Variants in SNX14 observed in about 807,000 individuals in gnomAD.
SNX14 encodes the protein sorting nexin 14.
Under a neutral mutation model 133.8 loss-of-function variants are expected in SNX14, and 93 were observed. That is an observed-to-expected ratio of 0.70 (90% CI 0.59 to 0.83). The LOEUF (loss-of-function observed/expected upper bound fraction) is 0.83, where lower values mean the gene tolerates loss of function less well. Among genes scored for constraint, SNX14 ranks in the 40% least tolerant of loss-of-function variants. The pLI is 0.00. For synonymous variants in SNX14, 368 were observed against 365.6 expected, an observed-to-expected ratio of 1.01 and a Z score of -0.07; for missense variants, 945 against 1,094.9, an observed-to-expected ratio of 0.86 and a Z score of 1.93.
intron 7 of SNX14, among the ~76,000 whole-genome samples, chr6:85,553,864 C>T (rs1310637568): frequency 2.0e-5 from 3 of 151,438 alleles, no homozygotes; most frequent in African/African-American, 4.9e-5. Flanking sequence ...AAAGTAATTA[C>T]AATATTTGGT....
chr6:85,514,262 A>G (rs1398700887), intron 24 of SNX14, 28 bp from the exon 25 acceptor site: 1 of 1,578,460 alleles, frequency 6.3e-7, no homozygotes, highest in Non-Finnish European at 8.6e-7. Flanking sequence ...GGGATACCTC[A>G]TTGTTCCAGA....
intron 15 of SNX14, among the ~76,000 whole-genome samples, chr6:85,541,232 ATC>A (rs894710076): frequency 1.3e-5 from 2 of 152,152 alleles, no homozygotes; most frequent in Admixed American, 6.5e-5. Flanking sequence ...ACCTCAAGTG[ATC>A]CCCACGTCTC....
At chr6:85,519,386 C>T (rs1202015978) in intron 21 of SNX14, among the ~76,000 whole-genome samples, 5 of 152,136 alleles carry the variant, frequency 3.3e-5, no homozygotes, top group African/African-American at 7.2e-5. Context: ...GTAAGTCCAA[C>T]AATTTGGGAA....
intron 8 of SNX14, 81 bp downstream of exon 8, chr6:85,549,642 A>G (rs1182601126): frequency 1.0e-5 from 13 of 1,240,200 alleles, no homozygotes; most frequent in Non-Finnish European, 1.4e-5. Context: ...AAATTTTAGC[A>G]TATGCCTATC....
Position 85,538,848 on chromosome 6 carries a change from C to T in SNX14, c.1465G>A (p.Asp489Asn). 6.3e-7 allele frequency: 1 copy of T among 1,598,236 alleles called. No homozygotes were observed. The highest frequency in any genetic ancestry group is 8.5e-7 in the Non-Finnish European group (1 of 1,174,002). Reference sequence around the variant, plus strand: ...ATGCTCAAGACTTACCGAAAATCATCCAAACTTAGGCTACCTCTGCAATAA... The same window carrying T: ...ATGCTCAAGACTTACCGAAAATCATTCAAACTTAGGCTACCTCTGCAATAA... ...SKLNRGSLSL[D>N]DFRNTQKRGE... is the part of the protein sequence containing the mutation. The change falls in exon 16 of 29, where the codon GAT becomes AAT. Residue 489 changes from aspartate to asparagine, a missense_variant. Physicochemically the swap from Asp to Asn is conservative, Grantham distance 23. This residue lies in a region of SNX14 where 412 missense variants were observed against 516.6 expected (regional missense o/e 0.80). Coordinates refer to ENST00000314673, the MANE Select transcript of SNX14 (RefSeq NM_153816.6).
intron 6 of SNX14, among the ~76,000 whole-genome samples, chr6:85,560,061 AC>A (rs1365187018): frequency 6.6e-6 from 1 of 152,206 alleles, no homozygotes; most frequent in African/African-American, 2.4e-5. Context: ...TGGTGGAGCC[AC>A]TTTGGAAAAT....
Position 85,574,354 on chromosome 6 carries a change from G to A in SNX14, c.165C>T (p.Phe55=). 6.4e-7 allele frequency: 1 copy of A among 1,561,788 alleles called. No individual in the cohort carries two copies. Among genetic ancestry groups the A allele is most frequent in the Non-Finnish European group, 8.8e-7 (1 of 1,137,884 alleles). The change falls in exon 2 of 29, where the codon TTC becomes TTT. Residue 55 remains phenylalanine (F), a synonymous_variant. Coordinates refer to ENST00000314673, the MANE Select transcript of SNX14 (RefSeq NM_153816.6). ...TGACAACTCCAGCAACAAATGACCA[G>A]AAGATCATTAAAATATGAATATACC... ...LNRYIHILMI[F]WSFVAGVVTF...
At chr6:85,572,710 A>G (rs1796046160) in intron 2 of SNX14, among the ~76,000 whole-genome samples, 1 of 152,108 alleles carries the variant, frequency 6.6e-6, no homozygotes, top group African/African-American at 2.4e-5. Flanking sequence ...TAATCCTAGC[A>G]CTCTGGGAGA....
chr6:85,519,637 G>T (rs577638631), intron 21 of SNX14, among the ~76,000 whole-genome samples: 1 of 152,064 alleles, frequency 6.6e-6, no homozygotes, highest in African/African-American at 2.4e-5. Context: ...TTGGGAGGCC[G>T]AGGCGGGCGG....
chr6:85,580,156 C>G (rs1367401588), intron 1 of SNX14, among the ~76,000 whole-genome samples: 1 of 152,102 alleles, frequency 6.6e-6, no homozygotes, highest in Non-Finnish European at 1.5e-5. Flanking sequence ...ATCTCAGGGA[C>G]AGGAAGACAG....
In SNX14 at chr6:85,514,574, T is replaced by C. The variant is rs1170074219; in HGVS notation, c.2324A>G (p.Lys775Arg). The C allele has an allele frequency of 6.2e-7, 1 of 1,613,348 alleles. No individual in the cohort carries two copies. The highest frequency in any genetic ancestry group is 1.1e-5 in the South Asian group (1 of 91,064). ...CTCCATAAAATAATTCTGATTTTGC[T>C]TTCTCTCTGTATTTTCAGCACGGTT... is the stretch of plus-strand genomic sequence containing the variant. Reference protein sequence around the residue: ...NANRAENTERKQNQNYFMEVM... With the variant: ...NANRAENTERRQNQNYFMEVM... Residue 775 changes from lysine to arginine, a missense_variant, in exon 24 of 29, where the codon AAG becomes AGG. Lys to Arg is a conservative substitution (Grantham distance 26). Around this residue, in one of 3 missense-constraint regions of SNX14, gnomAD observed 412 missense variants for 516.6 expected, o/e 0.80. Transcript: ENST00000314673.
At chr6:85,584,662 G>C (rs1013714134) in intron 1 of SNX14, among the ~76,000 whole-genome samples, 2 of 152,002 alleles carry the variant, frequency 1.3e-5, no homozygotes, top group Non-Finnish European at 2.9e-5. Flanking sequence ...TCATCATCAC[G>C]GGTCATTAGA....
intron 12 of SNX14, among the ~76,000 whole-genome samples, chr6:85,543,985 T>C (rs1024044249): frequency 1.2e-4 from 18 of 152,076 alleles, no homozygotes; most frequent in African/African-American, 4.3e-4. Context: ...AATACATAAA[T>C]ACCAATACAA....
At chr6:85,527,443 A>T (rs1227614693) in intron 20 of SNX14, among the ~76,000 whole-genome samples, 1 of 151,958 alleles carries the variant, frequency 6.6e-6, no homozygotes, top group Non-Finnish European at 1.5e-5. Context: ...GTTCAGAGAC[A>T]GGAAATAAAG....
At chr6:85,534,045 C>G (rs1298304487) in intron 17 of SNX14, among the ~76,000 whole-genome samples, 1 of 152,260 alleles carries the variant, frequency 6.6e-6, no homozygotes, top group Admixed American at 6.5e-5. Context: ...CCGGGGACAG[C>G]GCCTATAATC....
chr6:85,544,131 G>A (rs1002904633), intron 12 of SNX14, among the ~76,000 whole-genome samples: 1 of 151,918 alleles, frequency 6.6e-6, no homozygotes, highest in Non-Finnish European at 1.5e-5. Flanking sequence ...ACTTTTTTTA[G>A]TCCCAATCAA....
chr6:85,515,787 C>T (rs964305037), intron 23 of SNX14, among the ~76,000 whole-genome samples: 1 of 151,574 alleles, frequency 6.6e-6, no homozygotes, highest in South Asian at 2.1e-4. Context: ...CACTAAAAAA[C>T]AGTGATATTA....
At chr6:85,526,747 T>C (rs1047257717) in intron 20 of SNX14, among the ~76,000 whole-genome samples, 6 of 152,208 alleles carry the variant, frequency 3.9e-5, no homozygotes, top group African/African-American at 1.2e-4. Flanking sequence ...AAATCTGTTG[T>C]CTGTTCTTCC....
intron 6 of SNX14, among the ~76,000 whole-genome samples, chr6:85,564,445 C>T (rs2128163364): frequency 6.6e-6 from 1 of 152,294 alleles, no homozygotes; most frequent in South Asian, 2.1e-4. Context: ...TGTTGCCTGA[C>T]TTTTTAATAA....
Sources: allele counts gnomAD v4.1 joint callset (sites outside exome capture counted in the v4.1 genomes callset), GRCh38; gene constraint gnomAD v4.1.1; regional missense constraint gnomAD v4.1.1; transcripts MANE v1.5; gene names NCBI Gene and HGNC (gene_info 2026-07-23, HGNC 2026-07-21).